NAA11: variants seen among roughly 807,000 people sequenced by gnomAD.
NAA11 encodes N-alpha-acetyltransferase 11.
NAA11 carries 15 observed loss-of-function variants against 16.1 expected under a neutral mutation model. The ratio of observed to expected loss-of-function variants is 0.93; its 90% confidence interval spans 0.62 to 1.44. The LOEUF is 1.44. NAA11 is among the 40% of genes most tolerant of loss of function. The pLI, the probability that NAA11 is intolerant of heterozygous loss-of-function variation, is 0.00. For synonymous variants in NAA11, 122 were observed against 112.4 expected, an observed-to-expected ratio of 1.09 and a Z score of -0.54; for missense variants, 298 against 291.3, an observed-to-expected ratio of 1.02 and a Z score of -0.17.
the NAA11 span, among the ~76,000 whole-genome samples, chr4:79,202,623 T>TTATTTATATATATATATATA: frequency 2.5e-4 from 13 of 52,622 alleles, no homozygotes; most frequent in African/African-American, 5.0e-4. Flanking sequence ...ATATATAGTT[T>TTATTTATATATATATATATA]TATATATATA....
the NAA11 span, among the ~76,000 whole-genome samples, chr4:79,215,791 T>C: frequency 0.025 from 3,818 of 152,296 alleles, 110 homozygotes; most frequent in African/African-American, 0.07. Context: ...AAAATGAGGA[T>C]AATAGTAGTT....
At chr4:79,247,239 G>A (rs79921179) in intron 2 of NAA11, among the ~76,000 whole-genome samples, 24,800 of 152,112 alleles carry the variant, frequency 0.16, 3,092 homozygotes, top group African/African-American at 0.35. Context: ...TATTTATCTG[G>A]CTTAGGAAGC....
intron 1 of NAA11, among the ~76,000 whole-genome samples, chr4:79,320,562 T>C (rs1022617855): frequency 1.3e-5 from 2 of 152,164 alleles, no homozygotes; most frequent in Non-Finnish European, 2.9e-5. Context: ...AATGGAGTAA[T>C]AGTACCTACC....
chr4:79,289,739 A>G (rs77436131), intron 2 of NAA11, among the ~76,000 whole-genome samples: 4,984 of 152,316 alleles, frequency 0.033, 271 homozygotes, highest in African/African-American at 0.11. Flanking sequence ...ACCTCAAAAT[A>G]GTACACAGTA....
chr4:79,228,991 C>T (rs955000480), intron 2 of NAA11, among the ~76,000 whole-genome samples: 1 of 151,936 alleles, frequency 6.6e-6, no homozygotes, highest in Admixed American at 6.6e-5. Context: ...ATATGATTCA[C>T]AAATATTTTC....
chr4:79,320,715 T>C (rs1035352742), intron 1 of NAA11, among the ~76,000 whole-genome samples: 1 of 152,256 alleles, frequency 6.6e-6, no homozygotes, highest in African/African-American at 2.4e-5. Context: ...CTTCACCAAC[T>C]GTCCTGCTCA....
the NAA11 span, among the ~76,000 whole-genome samples, chr4:79,159,639 C>T: frequency 6.6e-6 from 1 of 152,158 alleles, no homozygotes; most frequent in Non-Finnish European, 1.5e-5. Context: ...ACAGTTTCCT[C>T]CATTTTTAAA....
chr4:79,245,410 TGAG>T (rs1322832928), intron 2 of NAA11: 1 of 157,658 alleles, frequency 6.3e-6, no homozygotes, highest in Non-Finnish European at 1.4e-5. Context: ...GTCTGGGAAG[TGAG>T]GAGCGCCTCT....
chr4:79,231,839 C>T (rs1043471298), intron 2 of NAA11, among the ~76,000 whole-genome samples: 4 of 151,550 alleles, frequency 2.6e-5, no homozygotes, highest in Non-Finnish European at 5.9e-5. Flanking sequence ...GGGATGCATT[C>T]GGCAAAAATC....
the NAA11 span, among the ~76,000 whole-genome samples, chr4:79,193,561 C>T: frequency 6.6e-6 from 1 of 152,032 alleles, no homozygotes. Flanking sequence ...TTTCTGAGGG[C>T]TCTGTTCTGT....
At chr4:79,226,217 G>A (rs1044283994) in exon 3 of NAA11, 2 of 152,008 alleles carry the variant, frequency 1.3e-5, no homozygotes, top group African/African-American at 4.8e-5. Context: ...TCTCCATCCT[G>A]TTGTTCCCCC....
At chr4:79,311,142 T>C (rs374024430) in intron 1 of NAA11, among the ~76,000 whole-genome samples, 1 of 152,150 alleles carries the variant, frequency 6.6e-6, no homozygotes, top group African/African-American at 2.4e-5. Flanking sequence ...CTATTATGCT[T>C]TTTCCTCATT....
chr4:79,311,322 T>TA (rs926376924), intron 1 of NAA11, among the ~76,000 whole-genome samples: 2 of 152,158 alleles, frequency 1.3e-5, no homozygotes, highest in African/African-American at 4.8e-5. Flanking sequence ...AAGTCAGTAA[T>TA]AAAAAATACT....
chr4:79,325,303 C>CA lies in NAA11; in HGVS notation c.574dup (p.Cys192LeufsTer14). On this transcript the variant is annotated frameshift_variant, in exon 1 of 2. Coordinates refer to ENST00000286794, the MANE Select transcript of NAA11 (RefSeq NM_032693.3). LOFTEE classifies it high-confidence loss of function. ...TTCGGTAGCCGGGTTCTTTTGCTGA[C>CA]AGGCCTCTTCAGAATCAGAAAGTGT... 1 of 1,613,930 alleles carries CA rather than the reference C, an allele frequency of 6.2e-7. No homozygotes were observed. Among genetic ancestry groups the CA allele is most frequent in the South Asian group, 1.1e-5 (1 of 91,062 alleles).
chr4:79,230,908 C>T (rs1578152512), intron 2 of NAA11, among the ~76,000 whole-genome samples: 1 of 151,976 alleles, frequency 6.6e-6, no homozygotes, highest in Non-Finnish European at 1.5e-5. Context: ...CCTTCCTTGA[C>T]TCCCAAAATT....
chr4:79,272,013 T>C (rs531816498), intron 2 of NAA11, among the ~76,000 whole-genome samples: 58 of 151,798 alleles, frequency 3.8e-4, no homozygotes, highest in Admixed American at 4.6e-4. Context: ...CACACACACA[T>C]ATATATACAC....
chr4:79,168,199 C>T, the NAA11 span, among the ~76,000 whole-genome samples: 1 of 152,148 alleles, frequency 6.6e-6, no homozygotes, highest in South Asian at 2.1e-4. Flanking sequence ...AGGACATGAA[C>T]TCACCCTTTT....
downstream of NAA11, among the ~76,000 whole-genome samples, chr4:79,221,174 TTGTC>T (rs1455902483): frequency 6.6e-6 from 1 of 151,764 alleles, no homozygotes; most frequent in Non-Finnish European, 1.5e-5. Flanking sequence ...GGCTCTCTGT[TTGTC>T]TGTTGTTAGT....
chr4:79,280,127 G>A (rs1722750131), intron 2 of NAA11, among the ~76,000 whole-genome samples: 1 of 152,080 alleles, frequency 6.6e-6, no homozygotes, highest in Non-Finnish European at 1.5e-5. Context: ...ATTAAAATGC[G>A]AGCAAGTAAT....
Sources: allele counts gnomAD v4.1 joint callset (sites outside exome capture counted in the v4.1 genomes callset), GRCh38; gene constraint gnomAD v4.1.1; transcripts MANE v1.5; gene names NCBI Gene and HGNC (gene_info 2026-07-23, HGNC 2026-07-21).